The following FRYL variants were observed in gnomAD, a reference collection of about 807,000 sequenced individuals.
FRYL encodes the protein protein furry homolog-like.
A neutral mutation model predicts 351.2 loss-of-function variants in FRYL; 150 were observed. That is an observed-to-expected ratio of 0.43 (90% CI 0.37 to 0.49). The LOEUF (loss-of-function observed/expected upper bound fraction) is 0.49, where lower values mean the gene tolerates loss of function less well. Ranked by LOEUF, FRYL falls within the 20% of genes least tolerant of loss-of-function variation. FRYL has a pLI of 0.00. For synonymous variants in FRYL, 1,153 were observed against 1,257.1 expected, an observed-to-expected ratio of 0.92 and a Z score of 1.75; for missense variants, 3,036 against 3,619.3, an observed-to-expected ratio of 0.84 and a Z score of 4.13.
At chr4:48,660,561 T>C (rs772494948) in intron 3 of FRYL, among the ~76,000 whole-genome samples, 1 of 152,186 alleles carries the variant, frequency 6.6e-6, no homozygotes, top group African/African-American at 2.4e-5. Flanking sequence ...CTGAGCACTG[T>C]CTCTAATGAG....
chr4:48,655,974 TTATATATAATGTGCAA>T (rs1229886691), intron 3 of FRYL, among the ~76,000 whole-genome samples: 1 of 138,798 alleles, frequency 7.2e-6, no homozygotes, highest in African/African-American at 2.6e-5. Flanking sequence ...ATAATGTGCA[TTATATATAATGTGCAA>T]TATATGTATA....
rs1400528982 is a variant in FRYL, at chr4:48,634,278, C to T, written c.120+13G>A. On this transcript the variant is annotated intron_variant, in intron 4 of 63. Transcript: ENST00000358350. Reference sequence around the variant, plus strand: ...AAGAAAATATTTCAGATTTATAGGTCAGCTGTACTCACCAAGGGTTCGGCC... The same window carrying T: ...AAGAAAATATTTCAGATTTATAGGTTAGCTGTACTCACCAAGGGTTCGGCC... The T allele has an allele frequency of 6.3e-7, 1 of 1,589,194 alleles. No homozygotes were observed. The highest frequency in any genetic ancestry group is 1.7e-5 in the Admixed American group (1 of 59,916).
At chr4:48,718,217 G>C (rs1446001863) in intron 1 of FRYL, among the ~76,000 whole-genome samples, 1 of 151,474 alleles carries the variant, frequency 6.6e-6, no homozygotes, top group African/African-American at 2.4e-5. Flanking sequence ...TAGTTTAGTT[G>C]CATATTACAT....
At chr4:48,580,270 C>A (rs915071472) in intron 22 of FRYL, among the ~76,000 whole-genome samples, 1 of 152,050 alleles carries the variant, frequency 6.6e-6, no homozygotes, top group African/African-American at 2.4e-5. Flanking sequence ...ATTCTTACAT[C>A]AACTTTGGAA....
At position 48,575,102 on chromosome 4, in the gene FRYL, T is replaced by C; in HGVS notation, c.2846+15A>G. ...ATTCTTTTAGGACATAGAAAAAATGTACGAACATAGTTACCTAAAAGCTCC... is the reference window on the plus strand; with the variant it reads ...ATTCTTTTAGGACATAGAAAAAATGCACGAACATAGTTACCTAAAAGCTCC... On this transcript the variant is annotated intron_variant, in intron 25 of 63. Transcript: ENST00000358350. 1 of 1,612,136 alleles carries C rather than the reference T, an allele frequency of 6.2e-7. No homozygotes were observed. The highest frequency in any genetic ancestry group is 8.5e-7 in the Non-Finnish European group (1 of 1,178,622).
intron 3 of FRYL, among the ~76,000 whole-genome samples, chr4:48,662,765 G>GAAAAAAAAAAAAAAAAAAAAAAAAAAAAA (rs57746767): frequency 7.6e-6 from 1 of 131,618 alleles, no homozygotes; most frequent in African/African-American, 2.8e-5. Context: ...ATCTCCTGAA[G>GAAAAAAAAAAAAAAAAAAAAAAAAAAAAA]AAAAAAAAAA....
rs1267878841 is a variant in FRYL at position 48,506,754 on chromosome 4, C to T, written c.8395-1139G>A. ...TTTAGTATTCGACATTTAACATTCT[C>T]TATTGTAGCTTATGTTGTACCCACA... On this transcript the variant is annotated intron_variant, in intron 59 of 63. Transcript: ENST00000358350. The T allele has an allele frequency of 2.0e-5, 3 of 150,488 alleles. No homozygotes were observed. The East Asian group carries it at 5.9e-4, about 29-fold the overall frequency. The allele number at this position is 150,488 out of a possible 1,614,324, so 9.3% of individuals were successfully genotyped here.
At chr4:48,754,248 C>T (rs1578930869) in intron 1 of FRYL, among the ~76,000 whole-genome samples, 1 of 152,200 alleles carries the variant, frequency 6.6e-6, no homozygotes, top group African/African-American at 2.4e-5. Flanking sequence ...GTTGTGGATA[C>T]TTCATATCAA....
chr4:48,509,974 T>C (rs1560510354), intron 59 of FRYL, 85 bp downstream of exon 59: 2 of 858,920 alleles, frequency 2.3e-6, no homozygotes, highest in East Asian at 5.0e-5. Context: ...AGGTCTTCTT[T>C]TCTGTCTGGG....
Position 48,710,512 on chromosome 4 carries a change from T to C in FRYL, c.-204+7A>G. ...GCCTAGAAAAGAGGAAATATACATG[T>C]CCTTACCACTTAGAAATGGTTGTTG... On this transcript the variant is annotated splice_region_variant and intron_variant, in intron 2 of 63. Coordinates refer to ENST00000358350, the MANE Select transcript of FRYL (RefSeq NM_015030.2). The C allele has an allele frequency of 2.5e-6, 1 of 398,582 alleles. No homozygotes were observed. Among genetic ancestry groups the C allele is most frequent in the Non-Finnish European group, 4.4e-6 (1 of 226,050 alleles). The allele number at this position is 398,582 out of a possible 1,614,324, so 24.7% of individuals were successfully genotyped here.
chr4:48,686,760 G>A (rs1335080817), intron 2 of FRYL, among the ~76,000 whole-genome samples: 1 of 152,308 alleles, frequency 6.6e-6, no homozygotes, highest in South Asian at 2.1e-4. Context: ...CATAGCAAGT[G>A]CTAATGTCAT....
At chr4:48,512,387 G>C in intron 57 of FRYL, 94 bp downstream of exon 57, 1 of 1,007,076 alleles carries the variant, frequency 9.9e-7, no homozygotes, top group Non-Finnish European at 1.5e-6. Context: ...AAACTGGTAG[G>C]AATATTAAAA....
At chr4:48,633,565 A>G (rs547068025) in intron 4 of FRYL, among the ~76,000 whole-genome samples, 6 of 152,302 alleles carry the variant, frequency 3.9e-5, no homozygotes, top group Non-Finnish European at 1.5e-5. Flanking sequence ...ACCCAAAGAT[A>G]TTCCTGTGTA....
intron 20 of FRYL, 92 bp downstream of exon 20, chr4:48,582,405 T>C (rs1741138240): frequency 3.8e-6 from 3 of 793,820 alleles, no homozygotes; most frequent in Non-Finnish European, 6.3e-6. Flanking sequence ...AATAATACTT[T>C]TAGTGTTTGA....
chr4:48,711,684 T>C (rs1467388651), intron 1 of FRYL, among the ~76,000 whole-genome samples: 2 of 152,210 alleles, frequency 1.3e-5, no homozygotes, highest in Admixed American at 1.3e-4. Flanking sequence ...GACTTAAATG[T>C]CCCTGTCTGA....
chr4:48,601,951 T>C, intron 13 of FRYL, 69 bp downstream of exon 13: 1 of 883,556 alleles, frequency 1.1e-6, no homozygotes. Context: ...TTATGCACTG[T>C]TCAATTTATA....
chr4:48,708,828 A>AAGT (rs1767675587), intron 2 of FRYL, among the ~76,000 whole-genome samples: 1 of 151,844 alleles, frequency 6.6e-6, no homozygotes, highest in African/African-American at 2.4e-5. Context: ...TCTTGGCCTC[A>AAGT]GGTCATCCTC....
chr4:48,746,340 G>T (rs575960644), intron 1 of FRYL, among the ~76,000 whole-genome samples: 72 of 151,938 alleles, frequency 4.7e-4, no homozygotes, highest in Non-Finnish European at 9.3e-4. Flanking sequence ...GCTAAGGTGG[G>T]CGGATCACGA....
intron 35 of FRYL, among the ~76,000 whole-genome samples, chr4:48,555,641 AG>A (rs1733912428): frequency 6.6e-6 from 1 of 152,148 alleles, no homozygotes; most frequent in Non-Finnish European, 1.5e-5. Context: ...GTGGAAGCAA[AG>A]GGGGCCAGCG....
Sources: allele counts gnomAD v4.1 joint callset (sites outside exome capture counted in the v4.1 genomes callset), GRCh38; gene constraint gnomAD v4.1.1; transcripts MANE v1.5; gene names NCBI Gene and HGNC (gene_info 2026-07-23, HGNC 2026-07-21).